GFPT1: variants seen among roughly 807,000 people sequenced by gnomAD.
GFPT1 encodes the protein glutamine--fructose-6-phosphate aminotransferase [isomerizing] 1.
Under a neutral mutation model 92.0 loss-of-function variants are expected in GFPT1, and 40 were observed. That is an observed-to-expected ratio of 0.43 (90% CI 0.34 to 0.57). The LOEUF (loss-of-function observed/expected upper bound fraction) is 0.57, where lower values mean the gene tolerates loss of function less well. Ranked by LOEUF, GFPT1 falls within the 20% of genes least tolerant of loss-of-function variation. The probability of loss-of-function intolerance (pLI) is 0.02; values close to 1 mark genes in which losing one functional copy is unlikely to be tolerated. For missense variants in GFPT1, 448 were observed against 869.1 expected (o/e 0.52, Z 6.09); for synonymous variants, 269 against 280.6 (o/e 0.96, Z 0.41).
At chr2:69,335,013 AT>A (rs1340028528) in intron 15 of GFPT1, among the ~76,000 whole-genome samples, 23 of 148,440 alleles carry the variant, frequency 1.5e-4, no homozygotes, top group East Asian at 5.9e-4. Context: ...TAAAATTTTT[AT>A]TTTTTTTTTT....
chr2:69,355,709 T>C (rs1442341688), intron 7 of GFPT1, among the ~76,000 whole-genome samples: 1 of 152,190 alleles, frequency 6.6e-6, no homozygotes, highest in Non-Finnish European at 1.5e-5. Flanking sequence ...CACCTTCTCC[T>C]TAGTCACCCT....
chr2:69,329,726 C>T lies in GFPT1; in HGVS notation c.1555G>A (p.Glu519Lys). 3 of 1,613,446 alleles carry T rather than the reference C, an allele frequency of 1.9e-6. No homozygotes were observed. The highest frequency in any genetic ancestry group is 2.5e-6 in the Non-Finnish European group (3 of 1,179,406). ...MMCDDRISMQ[E>K]RRKEIMLGLK... is the part of the protein sequence containing the mutation. The stretch of plus-strand genomic sequence containing the variant: ...CCAAGCATGATCTCTTTGCGTCTTT[C>T]TTGCATGGAGATCCGATCATCACAC... The change falls in exon 16 of 20, where the codon GAA becomes AAA. Residue 519 changes from glutamate (E) to lysine (K), a missense_variant. By Grantham distance (56) the Glu-to-Lys change is moderately conservative (BLOSUM62 1). This residue lies in a region of GFPT1 where 73 missense variants were observed against 103.5 expected (regional missense o/e 0.71). Transcript: ENST00000357308.
intron 19 of GFPT1, among the ~76,000 whole-genome samples, 189 bp from the exon 20 acceptor site, chr2:69,326,422 G>C (rs998406844): frequency 2.0e-5 from 3 of 152,256 alleles, no homozygotes; most frequent in African/African-American, 7.2e-5. Context: ...GAAAAAAACT[G>C]AAATTGGTTA....
intron 3 of GFPT1, among the ~76,000 whole-genome samples, chr2:69,369,083 G>A (rs985700186): frequency 1.3e-5 from 2 of 152,182 alleles, no homozygotes; most frequent in Non-Finnish European, 2.9e-5. Context: ...CTGGTATACA[G>A]GATGCAGAAC....
rs1670412689 is a variant in GFPT1, at chr2:69,322,006, C to G, written c.*4183G>C. 1 of 152,062 alleles carries G rather than the reference C, an allele frequency of 6.6e-6. No homozygotes were observed. Among genetic ancestry groups the G allele is most frequent in the African/African-American group, 2.4e-5 (1 of 41,402 alleles). 9.4% of individuals were successfully genotyped at this position (152,062 alleles called of 1,614,324 possible). The stretch of plus-strand genomic sequence containing the variant: ...CCTATTGGCTGTCACTGTCACAGAT[C>G]TGAAGATATGTTTAAATTCATCAAG... On this transcript the variant is annotated 3_prime_UTR_variant, in exon 20 of 20. Transcript: ENST00000357308.
Position 69,338,505 on chromosome 2 carries a change from A to G in GFPT1, c.1264T>C (p.Phe422Leu). The G allele has an allele frequency of 1.2e-6, 2 of 1,613,262 alleles. No homozygotes were observed. Among genetic ancestry groups the G allele is most frequent in the Non-Finnish European group, 1.7e-6 (2 of 1,179,194 alleles). The change falls in exon 14 of 20, where the codon TTC (phenylalanine) becomes CTC (leucine). Residue 422 changes from phenylalanine (F) to leucine (L), a missense_variant. By Grantham distance (22) the Phe-to-Leu change is conservative. Transcript: ENST00000357308. ...AAGACTGGTGTGTTTCTGTCCAGGA[A>G]GTCACTTGCTAGTTCCACCATCACA... ...LPVMVELASD[F>L]LDRNTPVFRD...
intron 4 of GFPT1, among the ~76,000 whole-genome samples, chr2:69,359,661 T>C (rs1671421624): frequency 6.6e-6 from 1 of 152,180 alleles, no homozygotes; most frequent in South Asian, 2.1e-4. Flanking sequence ...ATTGGGTCTG[T>C]TGCCTCATTT....
At chr2:69,345,809 T>C in intron 12 of GFPT1, 95 bp downstream of exon 12, 2 of 773,924 alleles carry the variant, frequency 2.6e-6, no homozygotes, top group East Asian at 5.1e-5. Flanking sequence ...GTAGTTGTTC[T>C]ACAAGGCTAT....
rs543011534 is a variant in GFPT1 at position 69,381,153 on chromosome 2, T to C, written c.7+5912A>G. On this transcript the variant is annotated intron_variant, in intron 1 of 19. Transcript: ENST00000357308. ...GTGTGTTACCACGCCTGGCTAATTT[T>C]TGTATTTTTAGCAGTGACAGGGTTT... is the stretch of plus-strand genomic sequence containing the variant. 1.1e-3 allele frequency among the ~76,000 whole-genome samples: 169 copies of C among 152,224 alleles called. 1 individual carries two copies. The highest frequency in any genetic ancestry group is 3.8e-3 in the African/African-American group (159 of 41,548).
intron 13 of GFPT1, among the ~76,000 whole-genome samples, chr2:69,339,905 C>T (rs978157786): frequency 2.6e-5 from 4 of 151,404 alleles, no homozygotes; most frequent in African/African-American, 4.9e-5. Context: ...ATTAAGTTAC[C>T]GACACTAAAA....
intron 12 of GFPT1, among the ~76,000 whole-genome samples, chr2:69,342,813 G>A (rs571069919): frequency 2.6e-5 from 4 of 152,236 alleles, no homozygotes; most frequent in East Asian, 1.9e-4. Flanking sequence ...TCTCAGTTAC[G>A]TTTATTTCCC....
chr2:69,359,202 C>CCGACCCCAGTGCTCT, intron 5 of GFPT1, 66 bp downstream of exon 5: 1 of 849,694 alleles, frequency 1.2e-6, no homozygotes, highest in South Asian at 1.3e-5. Context: ...ATCCCAACAA[C>CCGACCCCAGTGCTCT]CGACCCCAGT....
rs771008364 is a variant in GFPT1, at chr2:69,329,455, T to C, written c.1598-31A>G. 4 of 1,520,534 alleles carry C rather than the reference T, an allele frequency of 2.6e-6. No homozygotes were observed. The Middle Eastern group carries it at 5.1e-4, about 193-fold the overall frequency. The allele number at this position is 1,520,534 out of a possible 1,614,324, so 94.2% of individuals were successfully genotyped here. A position where few individuals can be genotyped will look rare whatever the true frequency, so the allele number is the denominator to read the frequency against. On this transcript the variant is annotated intron_variant, in intron 16 of 19. Coordinates refer to ENST00000357308, the MANE Select transcript of GFPT1 (RefSeq NM_001244710.2). The stretch of plus-strand genomic sequence containing the variant: ...AAGTAATATTAGCAAAAAAGGACAA[T>C]AAACCAAACAAATAAAATAACAATA...
chr2:69,329,830 T>C (rs989229289), intron 15 of GFPT1, 32 bp from the exon 16 acceptor site: 2 of 1,065,332 alleles, frequency 1.9e-6, no homozygotes, highest in African/African-American at 1.5e-5. Context: ...GGACAATTAG[T>C]TGCAGCTGCA....
intron 3 of GFPT1, 111 bp downstream of exon 3, chr2:69,369,890 A>T: frequency 2.7e-6 from 2 of 750,384 alleles, no homozygotes; most frequent in South Asian, 2.8e-5. Flanking sequence ...ACAGACCATT[A>T]TCATTAAAAT....
intron 18 of GFPT1, 137 bp from the exon 19 acceptor site, chr2:69,327,212 A>G: frequency 1.3e-6 from 1 of 758,138 alleles, no homozygotes; most frequent in African/African-American, 1.7e-5. Flanking sequence ...CCTGTGTAGT[A>G]AATCTGATTG....
chr2:69,326,468 A>AT (rs1471599653), intron 19 of GFPT1, among the ~76,000 whole-genome samples: 3 of 152,212 alleles, frequency 2.0e-5, no homozygotes, highest in Non-Finnish European at 4.4e-5. Flanking sequence ...TTCACACAGA[A>AT]AGAGCTACTG....
intron 1 of GFPT1, among the ~76,000 whole-genome samples, chr2:69,378,539 C>T (rs1186495951): frequency 6.6e-6 from 1 of 152,196 alleles, no homozygotes; most frequent in East Asian, 1.9e-4. Context: ...GCATCATTCT[C>T]AATAAATGGC....
intron 13 of GFPT1, among the ~76,000 whole-genome samples, chr2:69,339,396 A>G (rs959712709): frequency 6.6e-6 from 1 of 152,210 alleles, no homozygotes; most frequent in African/African-American, 2.4e-5. Context: ...GGCATGGGGC[A>G]GGGGGAATGA....
Sources: allele counts gnomAD v4.1 joint callset (sites outside exome capture counted in the v4.1 genomes callset), GRCh38; gene constraint gnomAD v4.1.1; regional missense constraint gnomAD v4.1.1; transcripts MANE v1.5; gene names NCBI Gene and HGNC (gene_info 2026-07-23, HGNC 2026-07-21).